CLCA4: variants seen among roughly 807,000 people sequenced by gnomAD.
CLCA4 encodes chloride channel accessory 4.
Under a neutral mutation model 78.9 loss-of-function variants are expected in CLCA4, and 69 were observed. That is an observed-to-expected ratio of 0.87 (90% CI 0.72 to 1.07). The LOEUF (loss-of-function observed/expected upper bound fraction) is 1.07, where lower values mean the gene tolerates loss of function less well. Ranked by LOEUF, CLCA4 falls within the 50% of genes least tolerant of loss-of-function variation. The probability of loss-of-function intolerance (pLI) is 0.00; values close to 1 mark genes in which losing one functional copy is unlikely to be tolerated. For synonymous variants in CLCA4, 362 were observed against 375.8 expected (o/e 0.96, Z 0.42); for missense variants, 1,133 against 1,095.8 (o/e 1.03, Z -0.48).
At chr1:86,561,408 C>T (rs1300458880) in intron 3 of CLCA4, among the ~76,000 whole-genome samples, 1 of 152,132 alleles carries the variant, frequency 6.6e-6, no homozygotes, top group Non-Finnish European at 1.5e-5. Context: ...TTATTCTTGG[C>T]TCCTGTTATG....
intron 4 of CLCA4, 119 bp from the exon 5 acceptor site, chr1:86,565,155 A>C: frequency 1.6e-6 from 1 of 632,434 alleles, no homozygotes; most frequent in Non-Finnish European, 2.7e-6. Flanking sequence ...TAGGAAGTAC[A>C]TGGTACCATA....
At position 86,560,483 on chromosome 1, in the gene CLCA4, C is replaced by G. The variant is rs1649985372; in HGVS notation, c.448+125C>G. On this transcript the variant is annotated intron_variant, in intron 3 of 13. Transcript: ENST00000370563. Reference sequence around the variant, plus strand: ...AAATCCTGGCTCCCCTACTTACTAGCTGTATGTGACCTTAAACAAGTGACC... The same window carrying G: ...AAATCCTGGCTCCCCTACTTACTAGGTGTATGTGACCTTAAACAAGTGACC... 3.4e-6 allele frequency: 3 copies of G among 894,946 alleles called. No individual in the cohort carries two copies. The South Asian group carries it at 5.3e-5, about 16-fold the overall frequency. 55.4% of individuals were successfully genotyped at this position (894,946 alleles called of 1,614,324 possible).
At chr1:86,559,671 A>G (rs1319579488) in intron 1 of CLCA4, among the ~76,000 whole-genome samples, 1 of 152,240 alleles carries the variant, frequency 6.6e-6, no homozygotes, top group African/African-American at 2.4e-5. Flanking sequence ...ATTCCTATTA[A>G]TCAATTCCTC....
At chr1:86,574,488 G>C (rs1650448493) in intron 9 of CLCA4, 52 bp from the exon 10 acceptor site, 1 of 1,435,992 alleles carries the variant, frequency 7.0e-7, no homozygotes, top group Middle Eastern at 1.9e-4. Flanking sequence ...CTTGAAAAAA[G>C]AATAAAATTA....
At chr1:86,553,593 A>G (rs917795523) in intron 1 of CLCA4, among the ~76,000 whole-genome samples, 2 of 152,188 alleles carry the variant, frequency 1.3e-5, no homozygotes, top group South Asian at 2.1e-4. Context: ...CTTTTAAAAC[A>G]ATCAACTCTG....
In CLCA4 at chr1:86,579,490, C is replaced by A; in HGVS notation, c.2259C>A (p.Tyr753Ter). 6.2e-7 allele frequency: 1 copy of A among 1,613,182 alleles called. No homozygotes were observed. Among genetic ancestry groups the A allele is most frequent in the Non-Finnish European group, 8.5e-7 (1 of 1,179,456 alleles). The change falls in exon 13 of 14, where the codon TAC (tyrosine) becomes TAA (stop). Residue 753 changes from tyrosine to a stop codon, truncating the protein, a stop_gained. Coordinates refer to ENST00000370563, the MANE Select transcript of CLCA4 (RefSeq NM_012128.4). LOFTEE classifies it high-confidence loss of function. ...QVPSLPLPDQ[Y>*]PPSQITDLDA... ...CAAGCCTTCCCTTGCCTGACCAATA[C>A]CCACCAAGTCAAATCACAGACCTTG...
chr1:86,572,597 A>C lies in CLCA4; in HGVS notation c.1361-17A>C. 1 of 1,376,824 alleles carries C rather than the reference A, an allele frequency of 7.3e-7. No homozygotes were observed. Among genetic ancestry groups the C allele is most frequent in the Non-Finnish European group, 1.0e-6 (1 of 965,476 alleles). 85.3% of individuals were successfully genotyped at this position (1,376,824 alleles called of 1,614,324 possible). A position where few individuals can be genotyped will look rare whatever the true frequency, so the allele number is the denominator to read the frequency against. On this transcript the variant is annotated splice_polypyrimidine_tract_variant and intron_variant, in intron 8 of 13. Coordinates refer to ENST00000370563, the MANE Select transcript of CLCA4 (RefSeq NM_012128.4). Reference sequence around the variant, plus strand: ...TATTTTCTAGAAAGCAGTCTAATTAATGCATTTACATTTTAGGAGGAAGTC... The same window carrying C: ...TATTTTCTAGAAAGCAGTCTAATTACTGCATTTACATTTTAGGAGGAAGTC...
chr1:86,565,600 T>C, intron 5 of CLCA4, 149 bp downstream of exon 5: 1 of 683,766 alleles, frequency 1.5e-6, no homozygotes, highest in East Asian at 2.7e-5. Context: ...GCTGAACTAG[T>C]GCTATCTAGT....
At position 86,562,715 on chromosome 1, in the gene CLCA4, A is replaced by C. The variant is rs1650059154; in HGVS notation, c.449-946A>C. On this transcript the variant is annotated intron_variant, in intron 3 of 13. Coordinates refer to ENST00000370563, the MANE Select transcript of CLCA4 (RefSeq NM_012128.4). ...GAAAAATACAAAAAATTAGCCGAGC[A>C]TAGTGGCAGGTGCCTGTAATCTCAG... is the stretch of plus-strand genomic sequence containing the variant. Among the ~76,000 whole-genome samples, 3 of 151,948 alleles carry C rather than the reference A, an allele frequency of 2.0e-5. No individual in the cohort carries two copies. The South Asian group carries it at 6.2e-4, about 32-fold the overall frequency.
chr1:86,564,602 C>T (rs547810187), intron 4 of CLCA4, among the ~76,000 whole-genome samples: 38 of 152,234 alleles, frequency 2.5e-4, no homozygotes, highest in African/African-American at 8.2e-4. Context: ...TGAATAGAAA[C>T]TATTCATCAT....
intron 1 of CLCA4, among the ~76,000 whole-genome samples, chr1:86,554,940 G>A (rs1329029886): frequency 6.7e-6 from 1 of 150,290 alleles, no homozygotes; most frequent in Non-Finnish European, 1.5e-5. Context: ...TTTTGTGTGT[G>A]TGTTTCTTTA....
At chr1:86,548,675 C>A (rs1290323849) in intron 1 of CLCA4, among the ~76,000 whole-genome samples, 1 of 116,798 alleles carries the variant, frequency 8.6e-6, no homozygotes, top group Admixed American at 9.5e-5. Flanking sequence ...GAGCAAGACT[C>A]CCTCTCTGGA....
At chr1:86,547,481 C>T (rs914287684) in intron 1 of CLCA4, among the ~76,000 whole-genome samples, 3 of 152,144 alleles carry the variant, frequency 2.0e-5, no homozygotes, top group African/African-American at 4.8e-5. Flanking sequence ...TATAATTATT[C>T]TCTTCTAGCT....
chr1:86,552,732 C>T lies in CLCA4; in HGVS notation c.159+5454C>T, dbSNP rs527488185. On this transcript the variant is annotated intron_variant, in intron 1 of 13. Coordinates refer to ENST00000370563, the MANE Select transcript of CLCA4 (RefSeq NM_012128.4). ...AAGCCCTCGAGCCCTTCACAGGGGC[C>T]CGGCCCGGCACCCCCATCATGCCTG... is the stretch of plus-strand genomic sequence containing the variant. 18 of 1,437,978 alleles carry T rather than the reference C, an allele frequency of 1.3e-5. No homozygotes were observed. The East Asian group carries it at 3.2e-4, about 26-fold the overall frequency. The allele number at this position is 1,437,978 out of a possible 1,614,324, so 89.1% of individuals were successfully genotyped here. A position where few individuals can be genotyped will look rare whatever the true frequency, so the allele number is the denominator to read the frequency against.
intron 6 of CLCA4, among the ~76,000 whole-genome samples, chr1:86,567,170 C>A (rs1271180988): frequency 2.6e-5 from 4 of 151,940 alleles, no homozygotes; most frequent in African/African-American, 7.2e-5. Context: ...TACCTTCCAC[C>A]TCTTACTTGG....
At chr1:86,572,760 G>T in intron 9 of CLCA4, 40 bp downstream of exon 9, 1 of 1,217,360 alleles carries the variant, frequency 8.2e-7, no homozygotes, top group Non-Finnish European at 1.2e-6. Flanking sequence ...GTTCACTTTT[G>T]CCACAAGAAA....
chr1:86,549,228 G>A (rs764991897), intron 1 of CLCA4, among the ~76,000 whole-genome samples: 1 of 152,134 alleles, frequency 6.6e-6, no homozygotes, highest in East Asian at 1.9e-4. Flanking sequence ...TGATGTGTCA[G>A]CACAGACCTG....
intron 3 of CLCA4, among the ~76,000 whole-genome samples, chr1:86,562,668 C>T (rs914085632): frequency 1.3e-5 from 2 of 151,878 alleles, no homozygotes; most frequent in Admixed American, 6.6e-5. Flanking sequence ...GCCTGGCCAA[C>T]GTGGTGAAAC....
intron 1 of CLCA4, among the ~76,000 whole-genome samples, chr1:86,559,714 G>T (rs917880418): frequency 1.3e-5 from 2 of 152,104 alleles, no homozygotes; most frequent in Admixed American, 1.3e-4. Flanking sequence ...GCCTTTTAAG[G>T]CAGGATTATA....
Sources: allele counts gnomAD v4.1 joint callset (sites outside exome capture counted in the v4.1 genomes callset), GRCh38; gene constraint gnomAD v4.1.1; transcripts MANE v1.5; gene names NCBI Gene and HGNC (gene_info 2026-07-23, HGNC 2026-07-21).